The following SPDL1 variants were observed in gnomAD, a reference collection of about 807,000 sequenced individuals.
SPDL1 encodes spindle apparatus coiled-coil protein 1, also known as protein Spindly.
SPDL1 carries 85 observed loss-of-function variants against 79.5 expected under a neutral mutation model. The ratio of observed to expected loss-of-function variants is 1.07; its 90% CI spans 0.90 to 1.28. SPDL1 has a LOEUF of 1.28. Among genes scored for constraint, SPDL1 ranks in the 50% most tolerant of loss-of-function variants. The pLI is 0.00. For synonymous variants in SPDL1, 269 were observed against 240.3 expected (o/e 1.12, Z -1.10); for missense variants, 703 against 697.8 (o/e 1.01, Z -0.08).
At position 169,594,598 on chromosome 5, in the gene SPDL1, C is replaced by A. The variant is rs749122828; in HGVS notation, c.808C>A (p.Arg270Ser). 2 of 1,613,762 alleles carry A rather than the reference C, an allele frequency of 1.2e-6. No homozygotes were observed. Among genetic ancestry groups the A allele is most frequent in the African/African-American group, 2.7e-5 (2 of 74,894 alleles). The change falls in exon 7 of 12, where the codon CGT becomes AGT. Residue 270 changes from arginine to serine, a missense_variant. Transcript: ENST00000265295. ...GGAAGATCGAAGGGCAGCAATGGAA[C>A]GTCAGCTCATCAGTATGAAAGTCAA... Reference protein sequence around the residue: ...EVEDRRAAMERQLISMKVKYQ... With the variant: ...EVEDRRAAMESQLISMKVKYQ...
intron 9 of SPDL1, 132 bp downstream of exon 9, chr5:169,598,711 G>A: frequency 2.1e-6 from 2 of 969,658 alleles, no homozygotes; most frequent in East Asian, 2.4e-5. Context: ...AAATATCTTT[G>A]TGCAGATATT....
intron 4 of SPDL1, 25 bp from the exon 5 acceptor site, chr5:169,594,120 C>T (rs933291309): frequency 6.4e-7 from 1 of 1,571,988 alleles, no homozygotes; most frequent in African/African-American, 1.4e-5. Flanking sequence ...AGAGAATTTC[C>T]TCCTTTTCAA....
rs186163235 is a variant in SPDL1, at chr5:169,587,077, C to T, written c.-23-1317C>T. ...GGCTGATTCTCTCATCTTCTGCCTCCTGGTTACATCACCTGTCCCTTCTTC... is the reference window on the plus strand; with the variant it reads ...GGCTGATTCTCTCATCTTCTGCCTCTTGGTTACATCACCTGTCCCTTCTTC... On this transcript the variant is annotated intron_variant, in intron 1 of 11. Coordinates refer to ENST00000265295, the MANE Select transcript of SPDL1 (RefSeq NM_017785.5). The T allele has an allele frequency of 2.6e-5, 4 of 152,402 alleles. No individual in the cohort carries two copies. The East Asian group carries it at 7.7e-4, about 29-fold the overall frequency. 9.4% of individuals were successfully genotyped at this position (152,402 alleles called of 1,614,324 possible). A position where few individuals can be genotyped will look rare whatever the true frequency, so the allele number is the denominator to read the frequency against.
At chr5:169,596,766 G>GT in intron 8 of SPDL1, 65 bp downstream of exon 8, 3 of 1,333,620 alleles carry the variant, frequency 2.2e-6, no homozygotes, top group Non-Finnish European at 3.1e-6. Flanking sequence ...AATTTGGTTT[G>GT]TTTTTTAAGT....
At chr5:169,596,049 T>C (rs1339146803) in intron 7 of SPDL1, 2 of 152,440 alleles carry the variant, frequency 1.3e-5, no homozygotes, top group Non-Finnish European at 1.5e-5. Context: ...AGTGCTGCTC[T>C]AAAAAAATTA....
rs953207977 is a variant in SPDL1, at chr5:169,604,321, G to C, written c.*114G>C. The C allele has an allele frequency of 3.6e-6, 4 of 1,109,176 alleles. No homozygotes were observed. In the African/African-American group the frequency reaches 6.4e-5, roughly 18 times the overall value. 68.7% of individuals were successfully genotyped at this position (1,109,176 alleles called of 1,614,324 possible). On this transcript the variant is annotated 3_prime_UTR_variant, in exon 12 of 12. Coordinates refer to ENST00000265295, the MANE Select transcript of SPDL1 (RefSeq NM_017785.5). ...CTGGGTTATTTACTCATTGTGCCAG[G>C]ACCTGGCATTTTCATGTGCCTTTGA...
intron 10 of SPDL1, among the ~76,000 whole-genome samples, chr5:169,599,688 A>G (rs1333248434): frequency 6.6e-6 from 1 of 152,158 alleles, no homozygotes; most frequent in East Asian, 1.9e-4. Flanking sequence ...GAATTTAGTC[A>G]TGCAGCCTCA....
chr5:169,586,151 A>T (rs1217190671), intron 1 of SPDL1: 19 of 152,212 alleles, frequency 1.2e-4, no homozygotes, highest in Non-Finnish European at 2.6e-4. Context: ...ATCTCCTACC[A>T]TTCTCTCTTG....
chr5:169,591,258 TC>T (rs752262359), intron 3 of SPDL1, 34 bp downstream of exon 3: 3 of 1,588,076 alleles, frequency 1.9e-6, no homozygotes, highest in Non-Finnish European at 8.6e-7. Context: ...CACAAAATAT[TC>T]CATATTTATG....
At position 169,599,021 on chromosome 5, in the gene SPDL1, G is replaced by A. The variant is rs1345750991; in HGVS notation, c.1186G>A (p.Ala396Thr). The stretch of plus-strand genomic sequence containing the variant: ...TGAATTGTCCATACAGCGAATGAAA[G>A]CATTATTTGAGAGCCAGCGGGCTCT... Reference protein sequence around the residue: ...KGELSIQRMKALFESQRALDI... With the variant: ...KGELSIQRMKTLFESQRALDI... The change falls in exon 10 of 12, where the codon GCA (alanine) becomes ACA (threonine). Residue 396 changes from alanine to threonine, a missense_variant. Transcript: ENST00000265295. The A allele has an allele frequency of 6.3e-7, 1 of 1,580,626 alleles. No individual in the cohort carries two copies. Among genetic ancestry groups the A allele is most frequent in the South Asian group, 1.1e-5 (1 of 87,018 alleles).
intron 8 of SPDL1, 116 bp downstream of exon 8, chr5:169,596,817 C>A: frequency 1.2e-6 from 1 of 828,402 alleles, no homozygotes; most frequent in Non-Finnish European, 1.8e-6. Flanking sequence ...TACTTTGAGA[C>A]TAAGTAAATG....
intron 1 of SPDL1, chr5:169,584,133 A>AAAATTAT (rs1754849930): frequency 6.6e-6 from 1 of 152,244 alleles, no homozygotes; most frequent in Admixed American, 6.5e-5. Context: ...CCGGGTCCTC[A>AAAATTAT]AAATTATAAC....
chr5:169,601,681 C>G (rs1467578682), intron 11 of SPDL1, 56 bp downstream of exon 11: 3 of 1,422,684 alleles, frequency 2.1e-6, no homozygotes, highest in East Asian at 4.6e-5. Context: ...TCTCCTCTCT[C>G]GCTGCATGAA....
intron 1 of SPDL1, chr5:169,587,280 G>A (rs1361614687): frequency 6.6e-6 from 1 of 152,080 alleles, no homozygotes. Context: ...TAGTATATAA[G>A]GCATTCAAGA....
chr5:169,591,892 A>G (rs1224822191), intron 3 of SPDL1, among the ~76,000 whole-genome samples: 1 of 152,236 alleles, frequency 6.6e-6, no homozygotes, highest in Non-Finnish European at 1.5e-5. Context: ...CATAAACGCA[A>G]GATAAATGAT....
At chr5:169,585,852 C>T (rs996983345) in intron 1 of SPDL1, 2 of 152,148 alleles carry the variant, frequency 1.3e-5, no homozygotes, top group Non-Finnish European at 2.9e-5. Context: ...ACCACTGTAC[C>T]TGCTTATCAG....
chr5:169,592,003 A>G (rs1412271699), intron 3 of SPDL1, among the ~76,000 whole-genome samples: 2 of 151,978 alleles, frequency 1.3e-5, no homozygotes, highest in African/African-American at 2.4e-5. Context: ...TATAGTCTAT[A>G]CTCTGACTTT....
chr5:169,590,276 A>G (rs1755207139), intron 2 of SPDL1, among the ~76,000 whole-genome samples: 1 of 152,258 alleles, frequency 6.6e-6, no homozygotes, highest in Admixed American at 6.5e-5. Flanking sequence ...GTAAACCAAG[A>G]ACTGAGTGCA....
intron 9 of SPDL1, 139 bp from the exon 10 acceptor site, chr5:169,598,833 T>C: frequency 8.4e-7 from 1 of 1,197,272 alleles, no homozygotes; most frequent in Non-Finnish European, 1.1e-6. Context: ...TTTAAATTGT[T>C]TATTGTTTCT....
Sources: gnomAD v4.1 joint callset for allele counts (sites outside exome capture counted in the v4.1 genomes callset) on GRCh38, gnomAD v4.1.1 for gene constraint, MANE v1.5 for transcripts, NCBI Gene and HGNC (gene_info 2026-07-23, HGNC 2026-07-21) for gene names.